Variants in SPIDR observed in about 807,000 individuals in gnomAD.
SPIDR encodes the protein DNA repair-scaffolding protein.
Under a neutral mutation model 104.6 loss-of-function variants are expected in SPIDR, and 93 were observed. The ratio of observed to expected loss-of-function variants is 0.89; its 90% CI spans 0.75 to 1.06. The LOEUF (loss-of-function observed/expected upper bound fraction) is 1.06, where lower values mean the gene tolerates loss of function less well. Among genes scored for constraint, SPIDR ranks in the 50% least tolerant of loss-of-function variants. The pLI, the probability that SPIDR is intolerant of heterozygous loss-of-function variation, is 0.00. For synonymous variants in SPIDR, 431 were observed against 416.9 expected (o/e 1.03, Z -0.41); for missense variants, 1,154 against 1,111.2 (o/e 1.04, Z -0.55).
chr8:47,578,471 C>G (rs77713230), intron 8 of SPIDR, among the ~76,000 whole-genome samples: 1 of 147,698 alleles, frequency 6.8e-6, no homozygotes, highest in Non-Finnish European at 1.5e-5. Context: ...GACTCCATCT[C>G]AAAAAAAAAA....
At chr8:47,671,157 G>T (rs548323175) in intron 10 of SPIDR, among the ~76,000 whole-genome samples, 1 of 152,034 alleles carries the variant, frequency 6.6e-6, no homozygotes, top group Non-Finnish European at 1.5e-5. Context: ...TGATCCTCTC[G>T]CCTCAGCCTC....
chr8:47,276,610 T>C (rs1211370163), intron 1 of SPIDR, among the ~76,000 whole-genome samples: 1 of 152,170 alleles, frequency 6.6e-6, no homozygotes, highest in Non-Finnish European at 1.5e-5. Context: ...ACAATTTTGA[T>C]GGAAAGGCTA....
At chr8:47,348,762 C>T (rs1012890775) in intron 5 of SPIDR, among the ~76,000 whole-genome samples, 4 of 152,190 alleles carry the variant, frequency 2.6e-5, no homozygotes, top group East Asian at 1.9e-4. Context: ...CTTGTGCATG[C>T]GTCACGTAGT....
intron 8 of SPIDR, 65 bp from the exon 9 acceptor site, chr8:47,595,746 T>C: frequency 6.7e-7 from 1 of 1,493,958 alleles, no homozygotes; most frequent in Non-Finnish European, 9.3e-7. Flanking sequence ...CATTCCTGAT[T>C]TAGCAAGAAT....
At chr8:47,501,101 G>T (rs985803322) in intron 8 of SPIDR, among the ~76,000 whole-genome samples, 2 of 152,142 alleles carry the variant, frequency 1.3e-5, no homozygotes, top group African/African-American at 2.4e-5. Context: ...TGTTCTTTTG[G>T]CTTAGGATTG....
At chr8:47,512,975 T>C (rs1381831460) in intron 8 of SPIDR, among the ~76,000 whole-genome samples, 3 of 152,218 alleles carry the variant, frequency 2.0e-5, no homozygotes, top group Non-Finnish European at 4.4e-5. Context: ...TGAAAGCAGC[T>C]TTCTGACTGT....
chr8:47,429,496 C>A (rs1175104953), intron 7 of SPIDR, among the ~76,000 whole-genome samples: 1 of 152,224 alleles, frequency 6.6e-6, no homozygotes, highest in Admixed American at 6.5e-5. Context: ...CTTCCAGTAT[C>A]CTGTAGTTAA....
intron 10 of SPIDR, among the ~76,000 whole-genome samples, chr8:47,620,131 G>T (rs1461940336): frequency 6.6e-6 from 1 of 152,150 alleles, no homozygotes; most frequent in Admixed American, 6.5e-5. Context: ...AATTACAGCA[G>T]CTGCCAGGAG....
Position 47,313,725 on chromosome 8 carries a change from G to A in SPIDR, c.525+19695G>A, listed in dbSNP as rs200514426. ...GGTACCAAAACAGAGATATAGATCA[G>A]TGGAACAGAACAGAGCCCTCAGAAA... On this transcript the variant is annotated intron_variant, in intron 5 of 19. Coordinates refer to ENST00000297423, the MANE Select transcript of SPIDR (RefSeq NM_001080394.4). Among the ~76,000 whole-genome samples the A allele has an allele frequency of 2.6e-5, 4 of 152,238 alleles. 1 individual carries two copies. The South Asian group carries it at 6.2e-4, about 24-fold the overall frequency.
intron 8 of SPIDR, among the ~76,000 whole-genome samples, chr8:47,505,890 A>G (rs1030611687): frequency 6.6e-6 from 1 of 152,156 alleles, no homozygotes; most frequent in Non-Finnish European, 1.5e-5. Flanking sequence ...CTCAACCATA[A>G]GTATACTTAG....
chr8:47,288,337 G>T (rs2039260579), intron 3 of SPIDR, among the ~76,000 whole-genome samples: 1 of 151,632 alleles, frequency 6.6e-6, no homozygotes, highest in African/African-American at 2.4e-5. Flanking sequence ...CCAGGCTAGA[G>T]TACAGTGGTG....
chr8:47,664,474 T>A (rs1362318831), intron 10 of SPIDR, among the ~76,000 whole-genome samples: 1 of 151,938 alleles, frequency 6.6e-6, no homozygotes, highest in Non-Finnish European at 1.5e-5. Context: ...AAACAGAGTG[T>A]CAATAAAAAG....
intron 5 of SPIDR, among the ~76,000 whole-genome samples, chr8:47,315,586 G>A (rs587758985): frequency 1.3e-5 from 2 of 152,032 alleles, no homozygotes; most frequent in Non-Finnish European, 2.9e-5. Context: ...GTTATACAAA[G>A]CAATCCTGAT....
intron 7 of SPIDR, among the ~76,000 whole-genome samples, chr8:47,417,332 C>G (rs1309435744): frequency 1.3e-5 from 2 of 152,302 alleles, no homozygotes; most frequent in African/African-American, 2.4e-5. Context: ...ACTGGTGTGA[C>G]ATGGTATCTC....
intron 5 of SPIDR, among the ~76,000 whole-genome samples, chr8:47,298,420 G>A (rs2041337614): frequency 6.6e-6 from 1 of 152,216 alleles, no homozygotes; most frequent in African/African-American, 2.4e-5. Flanking sequence ...TCACTCTGAT[G>A]GTAGTTTCTT....
intron 10 of SPIDR, among the ~76,000 whole-genome samples, chr8:47,620,957 T>G (rs1170575871): frequency 1.4e-5 from 2 of 147,036 alleles, no homozygotes; most frequent in Non-Finnish European, 3.0e-5. Context: ...TCTCACTGGG[T>G]TTTTGTTTTT....
intron 8 of SPIDR, among the ~76,000 whole-genome samples, chr8:47,501,904 T>G (rs1342479045): frequency 6.6e-6 from 1 of 152,184 alleles, no homozygotes; most frequent in East Asian, 1.9e-4. Flanking sequence ...CAGATAATCA[T>G]ATGGTTTTTG....
chr8:47,713,742 C>A, intron 16 of SPIDR, 101 bp downstream of exon 16: 1 of 1,471,398 alleles, frequency 6.8e-7, no homozygotes, highest in Non-Finnish European at 9.2e-7. Context: ...GGAGCACCCG[C>A]TAAGTTCCAG....
At chr8:47,336,384 A>G (rs1455429179) in intron 5 of SPIDR, among the ~76,000 whole-genome samples, 4 of 152,210 alleles carry the variant, frequency 2.6e-5, no homozygotes, top group Non-Finnish European at 2.9e-5. Flanking sequence ...GACAAAGAGT[A>G]TTGCCAAAGA....
Sources: allele counts gnomAD v4.1 joint callset (sites outside exome capture counted in the v4.1 genomes callset), GRCh38; gene constraint gnomAD v4.1.1; transcripts MANE v1.5; gene names NCBI Gene and HGNC (gene_info 2026-07-23, HGNC 2026-07-21).